The following VEPH1 variants were observed in gnomAD, a reference collection of about 807,000 sequenced individuals.
VEPH1 encodes the protein ventricular zone-expressed PH domain-containing protein homolog 1.
In VEPH1, 80 loss-of-function variants were observed where a neutral mutation model predicts 85.2. That is an observed-to-expected ratio of 0.94 (90% CI 0.78 to 1.13). The LOEUF (loss-of-function observed/expected upper bound fraction) is 1.13. VEPH1 is among the 50% of genes most tolerant of loss of function. VEPH1 has a pLI of 0.00. For missense variants in VEPH1, 955 were observed against 980.5 expected (o/e 0.97, Z 0.35); for synonymous variants, 297 against 348.0 (o/e 0.85, Z 1.63).
At chr3:157,494,312 T>C (rs2067809468) in intron 2 of VEPH1, among the ~76,000 whole-genome samples, 1 of 151,812 alleles carries the variant, frequency 6.6e-6, no homozygotes, top group Admixed American at 6.5e-5. Flanking sequence ...GTCCCACCAC[T>C]TTCATCTTTC....
intron 11 of VEPH1, among the ~76,000 whole-genome samples, chr3:157,287,264 A>G (rs544011521): frequency 5.1e-4 from 78 of 152,086 alleles, no homozygotes; most frequent in Admixed American, 1.2e-3. Context: ...GGTCCCAGCT[A>G]CTCAGGAGGC....
chr3:157,393,937 A>G (rs1472579159), intron 6 of VEPH1, among the ~76,000 whole-genome samples: 5 of 152,224 alleles, frequency 3.3e-5, no homozygotes, highest in Admixed American at 3.3e-4. Context: ...TAAAATCTCA[A>G]ATACTCTCAT....
At chr3:157,437,545 G>C in intron 4 of VEPH1, 1 of 1,606,100 alleles carries the variant, frequency 6.2e-7, no homozygotes, top group Non-Finnish European at 8.5e-7. Flanking sequence ...GGAGCACTCG[G>C]AATGGGACAA....
intron 6 of VEPH1, among the ~76,000 whole-genome samples, chr3:157,396,726 C>G (rs924069441): frequency 6.6e-6 from 1 of 152,014 alleles, no homozygotes; most frequent in African/African-American, 2.4e-5. Flanking sequence ...GTTTGTTGAT[C>G]ACATGTATGT....
chr3:157,272,763 C>T (rs1714879594), intron 12 of VEPH1, among the ~76,000 whole-genome samples: 1 of 152,102 alleles, frequency 6.6e-6, no homozygotes, highest in Non-Finnish European at 1.5e-5. Context: ...GTGCCTAGCC[C>T]CTGGGTGTTT....
chr3:157,446,000 C>A (rs1339898941), intron 4 of VEPH1, among the ~76,000 whole-genome samples: 2 of 151,966 alleles, frequency 1.3e-5, no homozygotes, highest in East Asian at 3.8e-4. Context: ...AAGAAATGTG[C>A]AAAACTGAGA....
rs1222721584 is a variant in VEPH1 at position 157,313,677 on chromosome 3, CT to C, written c.1953del (p.Gly653ValfsTer9). ...FLRALWEKTQ[A>X]GGAHSFETAM... ...GCAGTTTCAAAGCTGTGAGCACCCC[CT>C]GCCTGGGTCTTCTCCCACAGAGCTC... On this transcript the variant is annotated frameshift_variant, in exon 11 of 14. Coordinates refer to ENST00000362010, the MANE Select transcript of VEPH1 (RefSeq NM_001167912.2). LOFTEE classifies it high-confidence loss of function. The C allele has an allele frequency of 1.9e-6, 3 of 1,614,180 alleles. No homozygotes were observed. Among genetic ancestry groups the C allele is most frequent in the Non-Finnish European group, 2.5e-6 (3 of 1,180,024 alleles).
chr3:157,368,479 T>TTTTTG lies in VEPH1; in HGVS notation c.1128-3968_1128-3967insCAAAA, dbSNP rs112204575. On this transcript the variant is annotated intron_variant, in intron 7 of 13. Coordinates refer to ENST00000362010, the MANE Select transcript of VEPH1 (RefSeq NM_001167912.2). The stretch of plus-strand genomic sequence containing the variant: ...CTGAATTTCAGATAAACAATAAGTT[T>TTTTTG]TTTGTTTGTTTGTTTGTTTGTTTGT... Among the ~76,000 whole-genome samples the TTTTTG allele has an allele frequency of 1.5e-3, 226 of 150,984 alleles. 2 individuals carry two copies. The highest frequency in any genetic ancestry group is 3.8e-3 in the African/African-American group (154 of 40,952).
chr3:157,363,388 C>G lies in VEPH1; in HGVS notation c.1711G>C (p.Val571Leu), dbSNP rs1726270401. ...YAMEIGKKIP[V>L]PDQCTIEDTV... Reference sequence around the variant, plus strand: ...CCTTCAATGGTACACTGATCAGGGACTGGAATCTTCTTTCCAATTTCCATG... The same window carrying G: ...CCTTCAATGGTACACTGATCAGGGAGTGGAATCTTCTTTCCAATTTCCATG... The change falls in exon 9 of 14, where the codon GTC becomes CTC. Residue 571 changes from valine (V) to leucine (L), a missense_variant. By Grantham distance (32) the Val-to-Leu change is conservative. Coordinates refer to ENST00000362010, the MANE Select transcript of VEPH1 (RefSeq NM_001167912.2). 1 of 1,609,338 alleles carries G rather than the reference C, an allele frequency of 6.2e-7. No homozygotes were observed. Among genetic ancestry groups the G allele is most frequent in the African/African-American group, 1.3e-5 (1 of 74,226 alleles).
In VEPH1 at chr3:157,493,187, C is replaced by T. The variant is rs772361654; in HGVS notation, c.138+2025G>A. Reference sequence around the variant, plus strand: ...GCAGGTAAAAATATTAGAAACCCACCATATTCGCATCATTGCAAGTGCAGG... The same window carrying T: ...GCAGGTAAAAATATTAGAAACCCACTATATTCGCATCATTGCAAGTGCAGG... On this transcript the variant is annotated intron_variant, in intron 2 of 13. Transcript: ENST00000362010. 9.2e-4 allele frequency: 413 copies of T among 447,834 alleles called. 6 individuals are homozygous for T. Among genetic ancestry groups the T allele is most frequent in the Non-Finnish European group, 1.6e-4 (35 of 224,054 alleles). 27.7% of individuals were successfully genotyped at this position (447,834 alleles called of 1,614,324 possible).
intron 2 of VEPH1, among the ~76,000 whole-genome samples, chr3:157,490,301 A>G (rs559107786): frequency 6.6e-6 from 1 of 152,202 alleles, no homozygotes; most frequent in Admixed American, 6.5e-5. Flanking sequence ...TTACAAGGTA[A>G]GAGATAAACT....
rs1712806151 is a variant in VEPH1, at chr3:157,261,015, A to C, written c.*119T>G. On this transcript the variant is annotated 3_prime_UTR_variant, in exon 14 of 14. Coordinates refer to ENST00000362010, the MANE Select transcript of VEPH1 (RefSeq NM_001167912.2). ...AGGCCCTTCTTCTTAAAGGACAACA[A>C]TTCCATTGGTATTTAGTAAAAAACA... is the stretch of plus-strand genomic sequence containing the variant. The C allele has an allele frequency of 7.2e-7, 1 of 1,395,386 alleles. No homozygotes were observed. The allele number at this position is 1,395,386 out of a possible 1,614,324, so 86.4% of individuals were successfully genotyped here.
chr3:157,296,155 A>G (rs924141784), intron 11 of VEPH1, among the ~76,000 whole-genome samples: 14 of 152,338 alleles, frequency 9.2e-5, no homozygotes, highest in African/African-American at 3.1e-4. Context: ...GTACAAAAGC[A>G]TTCATGGAAA....
rs1553786709 is a variant in VEPH1 at position 157,438,069 on chromosome 3, A to ACC, written c.530-9582_530-9581insGG. 9.2e-3 allele frequency among the ~76,000 whole-genome samples: 1,382 copies of ACC among 149,496 alleles called. 16 individuals carry two copies. The highest frequency in any genetic ancestry group is 0.027 in the African/African-American group (1,080 of 40,094). On this transcript the variant is annotated intron_variant, in intron 4 of 13. Coordinates refer to ENST00000362010, the MANE Select transcript of VEPH1 (RefSeq NM_001167912.2). ...CACACACACACACACACACACACACACACCCCTATTTCTGCATGCGCGGTC... is the reference window on the plus strand; with the variant it reads ...CACACACACACACACACACACACACACCCACCCCTATTTCTGCATGCGCGGTC...
intron 1 of VEPH1, among the ~76,000 whole-genome samples, chr3:157,498,389 C>CAACTG (rs1426823024): frequency 3.3e-5 from 5 of 152,192 alleles, no homozygotes; most frequent in Admixed American, 6.5e-5. Flanking sequence ...AATAATGGCA[C>CAACTG]AACTGACATT....
chr3:157,261,519 C>A, intron 13 of VEPH1, 149 bp from the exon 14 acceptor site: 3 of 1,250,990 alleles, frequency 2.4e-6, no homozygotes, highest in Non-Finnish European at 3.3e-6. Flanking sequence ...GCCTCAGAAT[C>A]ATTAGAATAA....
intron 11 of VEPH1, among the ~76,000 whole-genome samples, chr3:157,312,889 TA>T (rs10711048): frequency 0.72 from 98,567 of 137,038 alleles, 36,232 homozygotes; most frequent in African/African-American, 0.85. Context: ...CCTGGCTAAT[TA>T]AAAAAAAACA....
intron 1 of VEPH1, chr3:157,499,578 C>G (rs1277156478): frequency 6.6e-6 from 1 of 152,184 alleles, no homozygotes; most frequent in Non-Finnish European, 1.5e-5. Context: ...CCTGATGCCA[C>G]CGGCAGCCCC....
At chr3:157,435,561 C>G (rs745414104) in intron 4 of VEPH1, among the ~76,000 whole-genome samples, 1 of 152,284 alleles carries the variant, frequency 6.6e-6, no homozygotes, top group Admixed American at 6.5e-5. Flanking sequence ...TCTAACTCTC[C>G]ACCTTTGGCC....
Sources: gnomAD v4.1 joint callset for allele counts (sites outside exome capture counted in the v4.1 genomes callset) on GRCh38, gnomAD v4.1.1 for gene constraint, MANE v1.5 for transcripts, NCBI Gene and HGNC (gene_info 2026-07-23, HGNC 2026-07-21) for gene names.